Variants in RASAL2 observed in about 807,000 individuals in gnomAD.
RASAL2 encodes ras GTPase-activating protein nGAP.
Under a neutral mutation model 128.9 loss-of-function variants are expected in RASAL2, and 58 were observed. The observed-to-expected ratio is 0.45, with a 90% CI of 0.36 to 0.56. RASAL2 has a LOEUF of 0.56. Ranked by LOEUF, RASAL2 falls within the 20% of genes least tolerant of loss-of-function variation. RASAL2 has a pLI of 0.00. For synonymous variants in RASAL2, 561 were observed against 580.8 expected, an observed-to-expected ratio of 0.97 and a Z score of 0.49; for missense variants, 1,360 against 1,601.6, an observed-to-expected ratio of 0.85 and a Z score of 2.57.
At chr1:178,408,696 A>G (rs191362683) in intron 4 of RASAL2, among the ~76,000 whole-genome samples, 27 of 151,652 alleles carry the variant, frequency 1.8e-4, no homozygotes, top group Non-Finnish European at 2.9e-5. Context: ...ATGATACATA[A>G]TTCTATAATA....
intron 1 of RASAL2, among the ~76,000 whole-genome samples, chr1:178,150,794 T>C (rs1571549452): frequency 6.6e-6 from 1 of 152,162 alleles, no homozygotes. Flanking sequence ...GCAGCAAAAA[T>C]TTGAGTCACC....
At chr1:178,308,839 G>A (rs1668113911) in intron 3 of RASAL2, among the ~76,000 whole-genome samples, 5 of 151,982 alleles carry the variant, frequency 3.3e-5, no homozygotes, top group Admixed American at 2.0e-4. Context: ...TTGTAAATTA[G>A]TGAGGACTCT....
At chr1:178,231,193 C>G (rs1169184760) in intron 1 of RASAL2, among the ~76,000 whole-genome samples, 1 of 152,134 alleles carries the variant, frequency 6.6e-6, no homozygotes, top group Admixed American at 6.5e-5. Context: ...TGACCATCAC[C>G]TGGTGGTCAC....
chr1:178,285,895 G>A (rs1451617542), intron 2 of RASAL2, among the ~76,000 whole-genome samples: 1 of 152,164 alleles, frequency 6.6e-6, no homozygotes, highest in Non-Finnish European at 1.5e-5. Flanking sequence ...CCAGAACCAA[G>A]GTGCAAATTA....
At chr1:178,141,511 A>G (rs1488101496) in intron 1 of RASAL2, among the ~76,000 whole-genome samples, 1 of 152,012 alleles carries the variant, frequency 6.6e-6, no homozygotes, top group Non-Finnish European at 1.5e-5. Flanking sequence ...AGAAATTGTT[A>G]GTCGGCCTAG....
intron 1 of RASAL2, among the ~76,000 whole-genome samples, chr1:178,115,595 G>C (rs1659496363): frequency 6.6e-6 from 1 of 152,228 alleles, no homozygotes; most frequent in South Asian, 2.1e-4. Flanking sequence ...CTGAATAAAG[G>C]CTGGAGCACA....
intron 1 of RASAL2, among the ~76,000 whole-genome samples, chr1:178,213,334 G>A (rs1238028937): frequency 1.3e-5 from 2 of 152,150 alleles, no homozygotes; most frequent in African/African-American, 2.4e-5. Flanking sequence ...ATGAGCCACT[G>A]TACCTAGCCA....
In RASAL2 at chr1:178,341,030, A is replaced by G. The variant is rs566982198; in HGVS notation, c.457+40912A>G. Among the ~76,000 whole-genome samples, 290 of 152,342 alleles carry G rather than the reference A, an allele frequency of 1.9e-3. 2 individuals carry two copies. Among genetic ancestry groups the G allele is most frequent in the African/African-American group, 6.5e-3 (269 of 41,594 alleles). Reference sequence around the variant, plus strand: ...GTTAAACTGATCGGTTTAAGAAGGTAGTTTAAGATAGTAATGTATATGTGT... The same window carrying G: ...GTTAAACTGATCGGTTTAAGAAGGTGGTTTAAGATAGTAATGTATATGTGT... On this transcript the variant is annotated intron_variant, in intron 3 of 17. Coordinates refer to ENST00000367649, the MANE Select transcript of RASAL2 (RefSeq NM_170692.4).
At chr1:178,138,203 A>G (rs2102323727) in intron 1 of RASAL2, among the ~76,000 whole-genome samples, 1 of 152,294 alleles carries the variant, frequency 6.6e-6, no homozygotes, top group East Asian at 1.9e-4. Flanking sequence ...CTGCACAGGG[A>G]GAATTGTTTG....
chr1:178,382,459 A>G (rs1165184900), intron 3 of RASAL2, among the ~76,000 whole-genome samples: 3 of 152,150 alleles, frequency 2.0e-5, no homozygotes, highest in African/African-American at 4.8e-5. Flanking sequence ...GTGATCATTC[A>G]TCTTATTTTT....
At chr1:178,313,514 A>G (rs1668357279) in intron 3 of RASAL2, among the ~76,000 whole-genome samples, 1 of 151,596 alleles carries the variant, frequency 6.6e-6, no homozygotes, top group African/African-American at 2.4e-5. Flanking sequence ...GTTTTGAGAC[A>G]GGGTCTCACT....
At chr1:178,388,390 C>T (rs1298571865) in intron 3 of RASAL2, among the ~76,000 whole-genome samples, 1 of 152,166 alleles carries the variant, frequency 6.6e-6, no homozygotes, top group African/African-American at 2.4e-5. Flanking sequence ...CAGCGATGTG[C>T]ATTAGAAGTC....
chr1:178,397,831 G>C (rs911378049), intron 4 of RASAL2, among the ~76,000 whole-genome samples: 19 of 149,858 alleles, frequency 1.3e-4, no homozygotes, highest in African/African-American at 4.2e-4. Context: ...GCCCAGGCTT[G>C]TCTCAAACTC....
intron 5 of RASAL2, among the ~76,000 whole-genome samples, chr1:178,424,199 A>G (rs1308434598): frequency 6.6e-6 from 1 of 151,944 alleles, no homozygotes; most frequent in African/African-American, 2.4e-5. Flanking sequence ...TGATATTTTG[A>G]AATCTTCAAA....
chr1:178,366,583 A>ACCCCCCCC (rs1170150772), intron 3 of RASAL2, among the ~76,000 whole-genome samples: 61 of 37,902 alleles, frequency 1.6e-3, no homozygotes, highest in East Asian at 4.3e-3. Context: ...GGTACCTCCC[A>ACCCCCCCC]CCCCCCCCCG....
chr1:178,401,374 G>T (rs561691449), intron 4 of RASAL2, among the ~76,000 whole-genome samples: 1 of 152,324 alleles, frequency 6.6e-6, no homozygotes, highest in Non-Finnish European at 1.5e-5. Context: ...TTCTGTGGAA[G>T]TCCTGTGAGA....
chr1:178,232,629 T>TTTTCCTC (rs1225400464), intron 1 of RASAL2, among the ~76,000 whole-genome samples: 1 of 152,154 alleles, frequency 6.6e-6, no homozygotes, highest in Admixed American at 6.5e-5. Flanking sequence ...CTTTTGGCTT[T>TTTTCCTC]TTTCCTCCTC....
intron 3 of RASAL2, among the ~76,000 whole-genome samples, chr1:178,307,517 G>C (rs1007973981): frequency 6.6e-6 from 1 of 152,108 alleles, no homozygotes; most frequent in Admixed American, 6.5e-5. Flanking sequence ...ATACTGGAAG[G>C]CATATTAGTT....
At chr1:178,440,471 A>G (rs1276855832) in intron 6 of RASAL2, among the ~76,000 whole-genome samples, 1 of 152,124 alleles carries the variant, frequency 6.6e-6, no homozygotes, top group Non-Finnish European at 1.5e-5. Flanking sequence ...GTGTGTTTAC[A>G]CTTGCAGCAC....
Sources: allele counts gnomAD v4.1 joint callset (sites outside exome capture counted in the v4.1 genomes callset), GRCh38; gene constraint gnomAD v4.1.1; transcripts MANE v1.5; gene names NCBI Gene and HGNC (gene_info 2026-07-23, HGNC 2026-07-21).